VPS8: variants seen among roughly 807,000 people sequenced by gnomAD.
The protein encoded by VPS8 is vacuolar protein sorting-associated protein 8 homolog.
Under a neutral mutation model 216.4 loss-of-function variants are expected in VPS8, and 129 were observed. The ratio of observed to expected loss-of-function variants is 0.60; its 90% confidence interval spans 0.52 to 0.69. The LOEUF (loss-of-function observed/expected upper bound fraction) is 0.69, where lower values mean the gene tolerates loss of function less well. Ranked by LOEUF, VPS8 falls within the 30% of genes least tolerant of loss-of-function variation. The pLI is 0.00. For missense variants in VPS8, 1,531 were observed against 1,683.5 expected (o/e 0.91, Z 1.59); for synonymous variants, 571 against 565.4 (o/e 1.01, Z -0.14).
rs1720236515 is a variant in VPS8, at chr3:184,832,614, A to G, written c.223-75A>G. 1.2e-5 allele frequency: 16 copies of G among 1,359,224 alleles called. No homozygotes were observed. In the South Asian group the frequency reaches 2.1e-4, roughly 18 times the overall value. The allele number at this position is 1,359,224 out of a possible 1,614,324, so 84.2% of individuals were successfully genotyped here. ...AAATAAGCACTTGTGTGCTCTGGAG[A>G]AACCCATTAATGCCTGACTCATTTC... On this transcript the variant is annotated intron_variant, in intron 3 of 47. Coordinates refer to ENST00000625842, the MANE Select transcript of VPS8 (RefSeq NM_001009921.3).
Position 184,950,216 on chromosome 3 carries a change from C to CTTTTTTTTT in VPS8, c.3036-7138_3036-7130dup, listed in dbSNP as rs10700220. Among the ~76,000 whole-genome samples, 194 of 39,924 alleles carry CTTTTTTTTT rather than the reference C, an allele frequency of 4.9e-3. 58 individuals carry two copies. Among genetic ancestry groups the CTTTTTTTTT allele is most frequent in the African/African-American group, 8.2e-3 (79 of 9,604 alleles). The allele number at this position is 39,924 out of a possible 152,430, so 26.2% of individuals were successfully genotyped here. On this transcript the variant is annotated intron_variant, in intron 36 of 47. Coordinates refer to ENST00000625842, the MANE Select transcript of VPS8 (RefSeq NM_001009921.3). ...AGCAACCACGCCCAGCAGTTTTCTG[C>CTTTTTTTTT]TTTTTTTTTTTTTTTTTTTTTTTTT...
chr3:184,966,850 A>T (rs755148570), intron 39 of VPS8, 137 bp downstream of exon 39: 25 of 536,064 alleles, frequency 4.7e-5, no homozygotes, highest in Non-Finnish European at 6.9e-5. Context: ...TTTAACATGG[A>T]TCCAAATTTT....
At chr3:184,951,997 A>T (rs1744782901) in intron 36 of VPS8, among the ~76,000 whole-genome samples, 1 of 152,152 alleles carries the variant, frequency 6.6e-6, no homozygotes. Context: ...GTGTCAATAA[A>T]TTTTCTGGAA....
chr3:184,876,003 A>G (rs1161275470), intron 21 of VPS8, among the ~76,000 whole-genome samples: 2 of 151,546 alleles, frequency 1.3e-5, no homozygotes, highest in Non-Finnish European at 2.9e-5. Context: ...AAAAAAAAAA[A>G]GAGTTGTCTC....
In VPS8 at chr3:184,930,518, A is replaced by G. The variant is rs751953006; in HGVS notation, c.2848A>G (p.Ser950Gly). 10 of 1,613,602 alleles carry G rather than the reference A, an allele frequency of 6.2e-6. No homozygotes were observed. The highest frequency in any genetic ancestry group is 2.2e-5 in the East Asian group (1 of 44,864). The change falls in exon 34 of 48, where the codon AGT becomes GGT. Residue 950 changes from serine (S) to glycine (G), a missense_variant. This residue lies in a region of VPS8 where 1,318 missense variants were observed against 1,468.4 expected (regional missense o/e 0.90). Transcript: ENST00000625842. ...IHNILSIPGH[S>G]AEEKQSVWQK... ...CAATATCTTATCCATTCCCGGACAC[A>G]GTGCAGAGGAGAAGCAGTCTGTATG...
At chr3:184,897,765 G>A (rs1176559503) in intron 23 of VPS8, among the ~76,000 whole-genome samples, 1 of 151,948 alleles carries the variant, frequency 6.6e-6, no homozygotes, top group Non-Finnish European at 1.5e-5. Context: ...TTCTCCTCTT[G>A]CCACTGTTTA....
chr3:185,004,219 T>G (rs1407257092), intron 45 of VPS8, among the ~76,000 whole-genome samples: 3 of 151,908 alleles, frequency 2.0e-5, no homozygotes, highest in African/African-American at 7.3e-5. Flanking sequence ...AGACTCCGTC[T>G]GCAATCCCGG....
chr3:184,836,328 T>C, intron 5 of VPS8: 1 of 456,596 alleles, frequency 2.2e-6, no homozygotes, highest in Non-Finnish European at 4.4e-6. Context: ...ATTTAATCCT[T>C]ATGTAGGTGA....
chr3:184,973,847 C>G lies in VPS8; in HGVS notation c.3420+2095C>G, dbSNP rs1748831050. On this transcript the variant is annotated intron_variant, in intron 40 of 47. Transcript: ENST00000625842. ...TCACATAACATTATGACCTCCCCTT[C>G]CATCCTTGTTGCTGCAAGTGTCAGG... Among the ~76,000 whole-genome samples, 3 of 152,126 alleles carry G rather than the reference C, an allele frequency of 2.0e-5. No individual in the cohort carries two copies. The South Asian group carries it at 6.2e-4, about 31-fold the overall frequency.
chr3:184,828,822 C>T (rs1386843201), intron 3 of VPS8, among the ~76,000 whole-genome samples: 1 of 152,136 alleles, frequency 6.6e-6, no homozygotes, highest in African/African-American at 2.4e-5. Context: ...AACTGAACAA[C>T]CTGTGTAACC....
chr3:184,918,855 A>G (rs1738085311), intron 28 of VPS8, among the ~76,000 whole-genome samples: 1 of 152,114 alleles, frequency 6.6e-6, no homozygotes, highest in Non-Finnish European at 1.5e-5. Context: ...CGAAGATAGA[A>G]CTGAGAGAGA....
intron 45 of VPS8, among the ~76,000 whole-genome samples, chr3:185,013,074 C>G (rs1019730227): frequency 6.6e-6 from 1 of 152,196 alleles, no homozygotes; most frequent in Non-Finnish European, 1.5e-5. Context: ...CCTTAAGACA[C>G]AGATCACTCA....
chr3:185,027,645 A>G (rs1315677680), intron 46 of VPS8, among the ~76,000 whole-genome samples: 3 of 152,176 alleles, frequency 2.0e-5, no homozygotes, highest in Non-Finnish European at 2.9e-5. Flanking sequence ...TGCCATGTAT[A>G]TAGGCATTTA....
intron 47 of VPS8, 36 bp from the exon 48 acceptor site, chr3:185,051,840 C>A (rs901113721): frequency 6.5e-7 from 1 of 1,543,050 alleles, no homozygotes; most frequent in Non-Finnish European, 8.7e-7. Flanking sequence ...CTCTGCTCCC[C>A]ACAAACCTTA....
chr3:184,841,742 A>G (rs1196858034), intron 7 of VPS8, among the ~76,000 whole-genome samples: 1 of 152,164 alleles, frequency 6.6e-6, no homozygotes, highest in East Asian at 1.9e-4. Flanking sequence ...TGGGAAAGAA[A>G]CTTACGAGGT....
intron 14 of VPS8, among the ~76,000 whole-genome samples, chr3:184,858,869 TGC>T (rs1200601136): frequency 6.6e-6 from 1 of 152,134 alleles, no homozygotes; most frequent in Non-Finnish European, 1.5e-5. Context: ...GCTTTGCTTG[TGC>T]TTTTTCTTCA....
chr3:184,844,131 A>G (rs1044069833), intron 8 of VPS8, among the ~76,000 whole-genome samples: 13 of 152,094 alleles, frequency 8.5e-5, no homozygotes, highest in African/African-American at 3.1e-4. Flanking sequence ...TGAATAAAGG[A>G]TAAGAAAAGG....
At chr3:184,925,326 C>T (rs1739393944) in intron 30 of VPS8, among the ~76,000 whole-genome samples, 2 of 152,336 alleles carry the variant, frequency 1.3e-5, no homozygotes, top group South Asian at 4.1e-4. Flanking sequence ...TGTACAATCT[C>T]AGTTTACTTA....
intron 45 of VPS8, among the ~76,000 whole-genome samples, chr3:185,019,545 G>T (rs552487628): frequency 6.6e-6 from 1 of 152,236 alleles, no homozygotes; most frequent in African/African-American, 2.4e-5. Flanking sequence ...CCGAAATAAA[G>T]GGATGGGTCT....
Sources: gnomAD v4.1 joint callset for allele counts (sites outside exome capture counted in the v4.1 genomes callset) on GRCh38, gnomAD v4.1.1 for gene constraint, gnomAD v4.1.1 regional missense constraint, MANE v1.5 for transcripts, NCBI Gene and HGNC (gene_info 2026-07-23, HGNC 2026-07-21) for gene names.